The following ANKRD12 variants were observed in gnomAD, a reference collection of about 807,000 sequenced individuals.
ANKRD12 encodes ankyrin repeat domain-containing protein 12.
A neutral mutation model predicts 183.4 loss-of-function variants in ANKRD12; 85 were observed. That is an observed-to-expected ratio of 0.46 (90% CI 0.39 to 0.56). ANKRD12 has a LOEUF of 0.56. ANKRD12 is among the 20% of genes least tolerant of loss of function. The pLI is 0.00. For missense variants in ANKRD12, 2,405 were observed against 2,357.1 expected, an observed-to-expected ratio of 1.02 and a Z score of -0.42; for synonymous variants, 914 against 800.2, an observed-to-expected ratio of 1.14 and a Z score of -2.40.
chr18:9,255,835 C>T lies in ANKRD12; in HGVS notation c.2568C>T (p.Asp856=), dbSNP rs2038579801. The change falls in exon 9 of 13, where the codon GAC becomes GAT. Residue 856 remains aspartate, a synonymous_variant. Coordinates refer to ENST00000262126, the MANE Select transcript of ANKRD12 (RefSeq NM_015208.5). ...KIKHEHKSEK[D]KLDLSECVDK... is the part of the protein sequence containing the mutation. Reference sequence around the variant, plus strand: ...AACATGAGCATAAGTCAGAAAAAGACAAATTAGATCTTAGTGAATGTGTTG... The same window carrying T: ...AACATGAGCATAAGTCAGAAAAAGATAAATTAGATCTTAGTGAATGTGTTG... 3 of 1,574,646 alleles carry T rather than the reference C, an allele frequency of 1.9e-6. No individual in the cohort carries two copies. Among genetic ancestry groups the T allele is most frequent in the Non-Finnish European group, 2.6e-6 (3 of 1,168,482 alleles).
chr18:9,154,650 A>G (rs1441429483), intron 1 of ANKRD12, among the ~76,000 whole-genome samples: 10 of 152,162 alleles, frequency 6.6e-5, no homozygotes, highest in Non-Finnish European at 1.5e-5. Flanking sequence ...AAGCAGGAAG[A>G]TATTTGGGAA....
intron 1 of ANKRD12, among the ~76,000 whole-genome samples, chr18:9,151,176 T>G (rs1278080644): frequency 6.6e-6 from 1 of 152,216 alleles, no homozygotes; most frequent in African/African-American, 2.4e-5. Flanking sequence ...CCAGTTAATA[T>G]CTCAGAAGCA....
In ANKRD12 at chr18:9,256,981, A is replaced by G. The variant is rs201166604; in HGVS notation, c.3714A>G (p.Ser1238=). The G allele has an allele frequency of 3.1e-5, 50 of 1,614,156 alleles. No homozygotes were observed. The East Asian group carries it at 1.1e-3, about 36-fold the overall frequency. The change falls in exon 9 of 13, where the codon TCA becomes TCG. Residue 1238 remains serine (S), a synonymous_variant. Transcript: ENST00000262126. ...ACTCTGACTTTATGTTAGAGAGTTC[A>G]GAATCCCAAATGTCCTTTTCCCAGT... The part of the protein sequence containing the change: ...EYDSDFMLES[S]ESQMSFSQSP...
At chr18:9,199,860 G>A (rs2035065810) in intron 3 of ANKRD12, among the ~76,000 whole-genome samples, 1 of 152,066 alleles carries the variant, frequency 6.6e-6, no homozygotes. Flanking sequence ...TGTTTAGAGG[G>A]ATGCTGGGAA....
chr18:9,220,754 G>A (rs541912293), intron 7 of ANKRD12, among the ~76,000 whole-genome samples: 15 of 152,298 alleles, frequency 9.8e-5, no homozygotes, highest in Admixed American at 8.5e-4. Flanking sequence ...GAGAATGAAT[G>A]GATGGATCGC....
chr18:9,221,945 G>A lies in ANKRD12; in HGVS notation c.889G>A (p.Glu297Lys). Residue 297 changes from glutamate (E) to lysine (K), a missense_variant, in exon 8 of 13, where the codon GAG becomes AAG. Transcript: ENST00000262126. Reference sequence around the variant, plus strand: ...GGATGTAGCAGAAACAGAGGAGTTGGAGTTGCTACTAAAAAGAGAGGTGCC... The same window carrying A: ...GGATGTAGCAGAAACAGAGGAGTTGAAGTTGCTACTAAAAAGAGAGGTGCC... ...PVDVAETEELELLLKREVPLS... is the reference protein window; with the variant it reads ...PVDVAETEELKLLLKREVPLS... The A allele has an allele frequency of 6.2e-7, 1 of 1,613,978 alleles. No homozygotes were observed. The highest frequency in any genetic ancestry group is 1.1e-5 in the South Asian group (1 of 91,074).
chr18:9,172,713 C>T (rs1032317284), intron 1 of ANKRD12, among the ~76,000 whole-genome samples: 1 of 152,146 alleles, frequency 6.6e-6, no homozygotes, highest in Non-Finnish European at 1.5e-5. Context: ...CTGAAGCCTA[C>T]TTCTATCAGT....
intron 1 of ANKRD12, among the ~76,000 whole-genome samples, chr18:9,151,952 A>G (rs1421401347): frequency 6.6e-6 from 1 of 152,204 alleles, no homozygotes; most frequent in African/African-American, 2.4e-5. Context: ...GCATTGGTTC[A>G]TGCCTGTCAT....
intron 6 of ANKRD12, among the ~76,000 whole-genome samples, chr18:9,212,386 T>A (rs963860310): frequency 2.0e-5 from 3 of 151,966 alleles, no homozygotes; most frequent in Middle Eastern, 3.2e-3. Flanking sequence ...AAGCAAATAC[T>A]TACTTATATA....
At chr18:9,230,187 C>G (rs1386175790) in intron 8 of ANKRD12, among the ~76,000 whole-genome samples, 1 of 152,074 alleles carries the variant, frequency 6.6e-6, no homozygotes, top group Non-Finnish European at 1.5e-5. Context: ...TTCAGATTTT[C>G]TGTTACTTTC....
intron 1 of ANKRD12, among the ~76,000 whole-genome samples, chr18:9,148,239 A>G (rs952197867): frequency 3.3e-5 from 5 of 152,192 alleles, no homozygotes; most frequent in Non-Finnish European, 1.5e-5. Context: ...TTTAGAAGTC[A>G]TCTGTGCCAA....
At chr18:9,226,415 TG>T (rs1353987246) in intron 8 of ANKRD12, among the ~76,000 whole-genome samples, 1 of 140,732 alleles carries the variant, frequency 7.1e-6, no homozygotes, top group Non-Finnish European at 1.5e-5. Context: ...ACAAGAGTGA[TG>T]CTCTGTCTCA....
chr18:9,256,572 T>A lies in ANKRD12; in HGVS notation c.3305T>A (p.Ile1102Asn), dbSNP rs766546472. The A allele has an allele frequency of 1.3e-6, 2 of 1,595,120 alleles. No homozygotes were observed. Among genetic ancestry groups the A allele is most frequent in the Non-Finnish European group, 1.7e-6 (2 of 1,175,570 alleles). The change falls in exon 9 of 13, where the codon ATT (isoleucine) becomes AAT (asparagine). Residue 1102 changes from isoleucine (I) to asparagine (N), a missense_variant. By Grantham distance (149) the Ile-to-Asn change is moderately radical. Around this residue, in one of 7 missense-constraint regions of ANKRD12, gnomAD observed 1,983 missense variants for 1,725.9 expected, o/e 1.15. Transcript: ENST00000262126. ...TGGCACAAAAAACATAAGGAAAAAA[T>A]TAAGCAAAAAGAAAAGGAACGGTTG... ...EQWHKKHKEK[I>N]KQKEKERLRN...
chr18:9,252,978 T>C (rs1222528913), intron 8 of ANKRD12, among the ~76,000 whole-genome samples: 1 of 152,130 alleles, frequency 6.6e-6, no homozygotes. Context: ...AGCTAATGTT[T>C]CCCCTTAATC....
chr18:9,281,093 T>A lies in ANKRD12; in HGVS notation c.6156T>A (p.Asp2052Glu). 6.2e-7 allele frequency: 1 copy of A among 1,614,026 alleles called. No homozygotes were observed. Residue 2052 changes from aspartate to glutamate, a missense_variant, in exon 13 of 13, where the codon GAT becomes GAA. Coordinates refer to ENST00000262126, the MANE Select transcript of ANKRD12 (RefSeq NM_015208.5). Reference protein sequence around the residue: ...EIQEFYVPLVDVNDDFELTPI With the variant: ...EIQEFYVPLVEVNDDFELTPI ...AGGAGTTTTATGTTCCCCTTGTTGA[T>A]GTTAACGACGACTTTGAATTGACTC...
At chr18:9,204,083 A>T (rs2035340498) in intron 3 of ANKRD12, among the ~76,000 whole-genome samples, 1 of 152,230 alleles carries the variant, frequency 6.6e-6, no homozygotes, top group South Asian at 2.1e-4. Flanking sequence ...TCCAGAGTCG[A>T]GTTGGCACTC....
chr18:9,263,036 TCCACCCATCTTGG>T (rs1407640388), intron 9 of ANKRD12, among the ~76,000 whole-genome samples: 1 of 151,768 alleles, frequency 6.6e-6, no homozygotes, highest in Non-Finnish European at 1.5e-5. Context: ...AACCTCGTGA[TCCACCCATCTTGG>T]CCTCCCAAAG....
intron 12 of ANKRD12, 51 bp from the exon 13 acceptor site, chr18:9,280,890 C>T: frequency 1.9e-6 from 3 of 1,562,934 alleles, no homozygotes; most frequent in Non-Finnish European, 2.6e-6. Flanking sequence ...AATTTTTAAA[C>T]AAAGCAAAGT....
chr18:9,243,512 G>A (rs1330357885), intron 8 of ANKRD12, among the ~76,000 whole-genome samples: 2 of 152,192 alleles, frequency 1.3e-5, no homozygotes, highest in Non-Finnish European at 2.9e-5. Context: ...CATAAATAAT[G>A]TAGGAAGCAG....
Sources: gnomAD v4.1 joint callset for allele counts (sites outside exome capture counted in the v4.1 genomes callset) on GRCh38, gnomAD v4.1.1 for gene constraint, gnomAD v4.1.1 regional missense constraint, MANE v1.5 for transcripts, NCBI Gene and HGNC (gene_info 2026-07-23, HGNC 2026-07-21) for gene names.